The following INPP4B variants were observed in gnomAD, a reference collection of about 807,000 sequenced individuals.
INPP4B encodes the protein inositol polyphosphate 4-phosphatase type II.
A neutral mutation model predicts 122.5 loss-of-function variants in INPP4B; 55 were observed. The observed-to-expected ratio is 0.45, with a 90% CI of 0.36 to 0.56. INPP4B has a LOEUF of 0.56. Ranked by LOEUF, INPP4B falls within the 20% of genes least tolerant of loss-of-function variation. The pLI, the probability that INPP4B is intolerant of heterozygous loss-of-function variation, is 0.00. For missense variants in INPP4B, 1,000 were observed against 1,097.7 expected, an observed-to-expected ratio of 0.91 and a Z score of 1.26; for synonymous variants, 403 against 388.7, an observed-to-expected ratio of 1.04 and a Z score of -0.43.
At chr4:142,439,154 A>G (rs1376621031) in intron 3 of INPP4B, among the ~76,000 whole-genome samples, 3 of 152,144 alleles carry the variant, frequency 2.0e-5, no homozygotes, top group Non-Finnish European at 2.9e-5. Context: ...GTGCCTACAC[A>G]TGGCAGAAGT....
At chr4:142,524,154 G>A (rs1244683871) in intron 2 of INPP4B, among the ~76,000 whole-genome samples, 1 of 151,836 alleles carries the variant, frequency 6.6e-6, no homozygotes, top group African/African-American at 2.4e-5. Context: ...ATGATTTATA[G>A]TCCTTTGGGT....
intron 1 of INPP4B, among the ~76,000 whole-genome samples, chr4:142,756,400 A>G (rs1171394568): frequency 6.6e-6 from 1 of 152,056 alleles, no homozygotes; most frequent in African/African-American, 2.4e-5. Flanking sequence ...ATTATTTAAG[A>G]CACTCTAAGT....
intron 1 of INPP4B, chr4:142,767,807 G>T (rs553168333): frequency 6.6e-6 from 1 of 152,292 alleles, no homozygotes; most frequent in South Asian, 2.1e-4. Context: ...CATTCAAAGG[G>T]TGGGAAGCTA....
At chr4:142,437,977 A>G (rs1810896298) in intron 3 of INPP4B, among the ~76,000 whole-genome samples, 1 of 152,174 alleles carries the variant, frequency 6.6e-6, no homozygotes, top group African/African-American at 2.4e-5. Flanking sequence ...TTCCTTCTCA[A>G]GCTATTTTAA....
At chr4:142,404,969 C>A (rs1223816854) in intron 6 of INPP4B, among the ~76,000 whole-genome samples, 1 of 151,756 alleles carries the variant, frequency 6.6e-6, no homozygotes, top group Non-Finnish European at 1.5e-5. Flanking sequence ...GTTATTTTGT[C>A]ATTTGTTCGT....
intron 12 of INPP4B, among the ~76,000 whole-genome samples, chr4:142,216,933 CA>C (rs1210329798): frequency 6.6e-4 from 100 of 152,076 alleles, no homozygotes; most frequent in East Asian, 3.8e-4. Flanking sequence ...GAATATTAAA[CA>C]GATAAGTATT....
chr4:142,238,939 G>T (rs961629308), intron 11 of INPP4B, among the ~76,000 whole-genome samples: 3 of 151,980 alleles, frequency 2.0e-5, no homozygotes, highest in African/African-American at 7.2e-5. Flanking sequence ...CACCAGTCAA[G>T]AATCTATGAT....
chr4:142,040,370 G>A (rs775322629), intron 25 of INPP4B, among the ~76,000 whole-genome samples: 1 of 152,268 alleles, frequency 6.6e-6, no homozygotes, highest in Admixed American at 6.5e-5. Context: ...TGATAGTACC[G>A]TAATGTATAG....
intron 3 of INPP4B, among the ~76,000 whole-genome samples, chr4:142,439,403 T>A (rs1194121133): frequency 6.6e-6 from 1 of 152,202 alleles, no homozygotes; most frequent in Non-Finnish European, 1.5e-5. Context: ...TCCCAATAAA[T>A]CTTTTGCATG....
chr4:142,051,021 T>C (rs1314459614), intron 25 of INPP4B, among the ~76,000 whole-genome samples: 1 of 152,092 alleles, frequency 6.6e-6, no homozygotes. Context: ...TAGGAATTTT[T>C]TAAAATTTCT....
intron 16 of INPP4B, among the ~76,000 whole-genome samples, chr4:142,163,116 G>C (rs1820942901): frequency 6.6e-6 from 1 of 151,810 alleles, no homozygotes. Context: ...GTATACAGTA[G>C]TCCCTCTTAA....
chr4:142,579,779 T>A (rs1421903958), intron 2 of INPP4B, among the ~76,000 whole-genome samples: 1 of 151,232 alleles, frequency 6.6e-6, no homozygotes, highest in African/African-American at 2.4e-5. Flanking sequence ...GCTGACTCAC[T>A]CAGATAATCG....
intron 2 of INPP4B, among the ~76,000 whole-genome samples, chr4:142,564,166 G>A (rs1057018298): frequency 2.6e-5 from 4 of 152,076 alleles, no homozygotes; most frequent in African/African-American, 4.8e-5. Flanking sequence ...GTGCAAGCAC[G>A]CTAACAAAGC....
At chr4:142,377,326 T>TAAA (rs536209789) in intron 7 of INPP4B, among the ~76,000 whole-genome samples, 5 of 144,190 alleles carry the variant, frequency 3.5e-5, no homozygotes, top group Admixed American at 1.4e-4. Context: ...TGAGGAAAGT[T>TAAA]AAAAAAAAAA....
At chr4:142,298,611 G>C (rs2034021220) in intron 9 of INPP4B, among the ~76,000 whole-genome samples, 1 of 135,860 alleles carries the variant, frequency 7.4e-6, no homozygotes, top group South Asian at 2.4e-4. Flanking sequence ...TTCAACCCGG[G>C]ATGCAGAGGT....
At chr4:142,329,511 A>C (rs1249897786) in intron 7 of INPP4B, among the ~76,000 whole-genome samples, 1 of 152,250 alleles carries the variant, frequency 6.6e-6, no homozygotes, top group Non-Finnish European at 1.5e-5. Flanking sequence ...TCATGCATTA[A>C]AAATATTACT....
intron 12 of INPP4B, among the ~76,000 whole-genome samples, chr4:142,209,385 A>G (rs1370816169): frequency 6.6e-6 from 1 of 152,204 alleles, no homozygotes; most frequent in African/African-American, 2.4e-5. Context: ...TTTAAGTTTC[A>G]ACTGTACAAA....
At chr4:142,642,104 T>G (rs1018775682) in intron 2 of INPP4B, among the ~76,000 whole-genome samples, 9 of 152,222 alleles carry the variant, frequency 5.9e-5, no homozygotes, top group East Asian at 1.9e-4. Flanking sequence ...GCCCACTTGT[T>G]GATGGGGTTG....
chr4:142,385,381 A>C (rs1795621873), intron 7 of INPP4B, among the ~76,000 whole-genome samples: 1 of 152,002 alleles, frequency 6.6e-6, no homozygotes, highest in Non-Finnish European at 1.5e-5. Flanking sequence ...TTAAAAAAAA[A>C]AAACCACTCT....
Sources: allele counts gnomAD v4.1 joint callset (sites outside exome capture counted in the v4.1 genomes callset), GRCh38; gene constraint gnomAD v4.1.1; transcripts MANE v1.5; gene names NCBI Gene and HGNC (gene_info 2026-07-23, HGNC 2026-07-21).